Variants in SLCO5A1 observed in about 807,000 individuals in gnomAD.
The protein encoded by SLCO5A1 is solute carrier organic anion transporter family member 5A1.
A neutral mutation model predicts 65.1 loss-of-function variants in SLCO5A1; 39 were observed. The ratio of observed to expected loss-of-function variants is 0.60; its 90% CI spans 0.46 to 0.78. The LOEUF is 0.78. SLCO5A1 is among the 30% of genes least tolerant of loss of function. The pLI is 0.00. For synonymous variants in SLCO5A1, 438 were observed against 415.7 expected, an observed-to-expected ratio of 1.05 and a Z score of -0.65; for missense variants, 1,029 against 1,069.4, an observed-to-expected ratio of 0.96 and a Z score of 0.53.
chr8:69,749,474 C>T (rs1012970551), intron 4 of SLCO5A1, among the ~76,000 whole-genome samples: 1 of 151,920 alleles, frequency 6.6e-6, no homozygotes, highest in African/African-American at 2.4e-5. Flanking sequence ...AAAAATTAGC[C>T]AGGTGTGGGG....
Position 69,672,682 on chromosome 8 carries a change from A to G in SLCO5A1, c.*187T>C. On this transcript the variant is annotated 3_prime_UTR_variant, in exon 10 of 10. Coordinates refer to ENST00000260126, the MANE Select transcript of SLCO5A1 (RefSeq NM_030958.3). ...TCTCCTTCTTGGAGAGAAGCGGGGA[A>G]AGGCTCTCAGTCTTGTTGAGGTATC... 1 of 620,482 alleles carries G rather than the reference A, an allele frequency of 1.6e-6. No individual in the cohort carries two copies. Among genetic ancestry groups the G allele is most frequent in the South Asian group, 2.2e-5 (1 of 44,552 alleles). 38.4% of individuals were successfully genotyped at this position (620,482 alleles called of 1,614,324 possible). A position where few individuals can be genotyped will look rare whatever the true frequency, so the allele number is the denominator to read the frequency against.
At chr8:69,802,989 A>C (rs570088585) in intron 2 of SLCO5A1, among the ~76,000 whole-genome samples, 27 of 152,224 alleles carry the variant, frequency 1.8e-4, no homozygotes, top group Non-Finnish European at 3.7e-4. Context: ...TGAATTAATT[A>C]ATGAACCAAT....
At chr8:69,726,870 T>C (rs1816105219) in intron 5 of SLCO5A1, among the ~76,000 whole-genome samples, 1 of 152,234 alleles carries the variant, frequency 6.6e-6, no homozygotes, top group African/African-American at 2.4e-5. Flanking sequence ...ATCTTTCTTA[T>C]GAATGTTTTC....
chr8:69,748,523 T>C (rs1055262377), intron 4 of SLCO5A1, among the ~76,000 whole-genome samples: 2 of 152,120 alleles, frequency 1.3e-5, no homozygotes, highest in African/African-American at 4.8e-5. Context: ...AATAATTCGA[T>C]ACACAGAAAA....
Position 69,673,314 on chromosome 8 carries a change from G to A in SLCO5A1, c.2102C>T (p.Thr701Ile), listed in dbSNP as rs759848992. The A allele has an allele frequency of 1.2e-6, 2 of 1,613,252 alleles. No homozygotes were observed. The highest frequency in any genetic ancestry group is 2.2e-5 in the East Asian group (1 of 44,856). The change falls in exon 10 of 10, where the codon ACT (threonine) becomes ATT (isoleucine). Residue 701 changes from threonine (T) to isoleucine (I), a missense_variant. By Grantham distance (89) the Thr-to-Ile change is moderately conservative. Coordinates refer to ENST00000260126, the MANE Select transcript of SLCO5A1 (RefSeq NM_030958.3). ...VLLRTLAYIP[T>I]PIYFGAVIDT... ...AATGACTGCTCCAAAGTAGATTGGA[G>A]TAGGAATGTATGCTAGAGGGGTGGA...
intron 2 of SLCO5A1, among the ~76,000 whole-genome samples, chr8:69,770,131 C>G (rs1434896813): frequency 6.6e-6 from 1 of 152,084 alleles, no homozygotes; most frequent in Non-Finnish European, 1.5e-5. Context: ...AATAAATATT[C>G]TTCCATAACA....
At chr8:69,726,712 G>A (rs1269992543) in intron 5 of SLCO5A1, among the ~76,000 whole-genome samples, 1 of 151,998 alleles carries the variant, frequency 6.6e-6, no homozygotes, top group African/African-American at 2.4e-5. Context: ...TGTTGGTCAG[G>A]CTGGTCTCGA....
At chr8:69,823,637 T>A (rs1184466397) in intron 2 of SLCO5A1, among the ~76,000 whole-genome samples, 3 of 151,962 alleles carry the variant, frequency 2.0e-5, no homozygotes, top group Admixed American at 6.6e-5. Context: ...AAGTCCTGAG[T>A]GACCTACAAA....
At chr8:69,737,179 T>G (rs1816597634) in intron 5 of SLCO5A1, among the ~76,000 whole-genome samples, 1 of 152,226 alleles carries the variant, frequency 6.6e-6, no homozygotes, top group Non-Finnish European at 1.5e-5. Flanking sequence ...AATCAATTTC[T>G]CTTTCTACAG....
At position 69,748,033 on chromosome 8, in the gene SLCO5A1, C is replaced by T. The variant is rs796623051; in HGVS notation, c.1258+7391G>A. 3.9e-5 allele frequency among the ~76,000 whole-genome samples: 6 copies of T among 152,248 alleles called. No individual in the cohort carries two copies. The East Asian group carries it at 5.8e-4, about 15-fold the overall frequency. On this transcript the variant is annotated intron_variant, in intron 4 of 9. Coordinates refer to ENST00000260126, the MANE Select transcript of SLCO5A1 (RefSeq NM_030958.3). Reference sequence around the variant, plus strand: ...ATTTTCTTTGAAAGAAATGATCCCACGGGTTTCCCAATCATAAGGCCCCAT... The same window carrying T: ...ATTTTCTTTGAAAGAAATGATCCCATGGGTTTCCCAATCATAAGGCCCCAT...
intron 2 of SLCO5A1, among the ~76,000 whole-genome samples, chr8:69,785,462 A>G (rs900340333): frequency 5.3e-5 from 8 of 152,228 alleles, no homozygotes; most frequent in Non-Finnish European, 1.2e-4. Context: ...AGTGGTCCCA[A>G]TAACTATAGA....
chr8:69,805,446 C>G (rs1819952842), intron 2 of SLCO5A1, among the ~76,000 whole-genome samples: 1 of 152,138 alleles, frequency 6.6e-6, no homozygotes. Context: ...TCTAGTTCCA[C>G]TCAAGAAACC....
At chr8:69,691,360 T>C (rs552020798) in intron 6 of SLCO5A1, among the ~76,000 whole-genome samples, 49 of 152,342 alleles carry the variant, frequency 3.2e-4, no homozygotes, top group African/African-American at 1.2e-3. Context: ...ATACCTAACA[T>C]GAAATCTACC....
In SLCO5A1 at chr8:69,832,914, T is replaced by G; in HGVS notation, c.-241A>C. On this transcript the variant is annotated 5_prime_UTR_variant, in exon 2 of 10. Coordinates refer to ENST00000260126, the MANE Select transcript of SLCO5A1 (RefSeq NM_030958.3). The surrounding 1 kb of genome is among the most constrained non-coding windows in gnomAD (Gnocchi z 4.5). The stretch of plus-strand genomic sequence containing the variant: ...CCACAGGGGGCAGGGGTCCGCGCGG[T>G]ACTGCGATGAGCCCTACTCGGCGTC... The G allele has an allele frequency of 1.8e-6, 1 of 545,070 alleles. No homozygotes were observed. The highest frequency in any genetic ancestry group is 3.3e-5 in the East Asian group (1 of 30,096). 33.8% of individuals were successfully genotyped at this position (545,070 alleles called of 1,614,324 possible). A position where few individuals can be genotyped will look rare whatever the true frequency, so the allele number is the denominator to read the frequency against.
At chr8:69,679,737 C>G in intron 7 of SLCO5A1, 118 bp from the exon 8 acceptor site, 1 of 1,371,644 alleles carries the variant, frequency 7.3e-7, no homozygotes, top group Non-Finnish European at 9.9e-7. Flanking sequence ...TTTTCAAACA[C>G]AAAATATTTC....
chr8:69,822,592 A>C (rs1820695183), intron 2 of SLCO5A1, among the ~76,000 whole-genome samples: 1 of 152,198 alleles, frequency 6.6e-6, no homozygotes. Flanking sequence ...TGGAAAGAGC[A>C]AACTATCTCT....
At chr8:69,682,106 T>C in intron 7 of SLCO5A1, 78 bp downstream of exon 7, 1 of 1,452,558 alleles carries the variant, frequency 6.9e-7, no homozygotes, top group Non-Finnish European at 9.4e-7. Context: ...GAAGTCATTG[T>C]AGCTGCATAG....
chr8:69,824,546 G>T (rs970185020), intron 2 of SLCO5A1, among the ~76,000 whole-genome samples: 8 of 152,096 alleles, frequency 5.3e-5, no homozygotes, highest in Non-Finnish European at 1.0e-4. Context: ...ATAAATTCCT[G>T]GACACATACA....
intron 2 of SLCO5A1, among the ~76,000 whole-genome samples, chr8:69,766,788 G>A (rs1199735085): frequency 6.6e-6 from 1 of 152,072 alleles, no homozygotes; most frequent in African/African-American, 2.4e-5. Context: ...TCCCCAACTG[G>A]AACATAAGCT....
Sources: allele counts gnomAD v4.1 joint callset (sites outside exome capture counted in the v4.1 genomes callset), GRCh38; gene constraint gnomAD v4.1.1; non-coding constraint Gnocchi (gnomAD v3.1); transcripts MANE v1.5; gene names NCBI Gene and HGNC (gene_info 2026-07-23, HGNC 2026-07-21).